Variants in CCBE1 observed in about 807,000 individuals in gnomAD.
CCBE1 encodes the protein collagen and calcium-binding EGF domain-containing protein 1.
In CCBE1, 37 loss-of-function variants were observed where a neutral mutation model predicts 50.0. The observed-to-expected ratio is 0.74, with a 90% CI of 0.57 to 0.97. CCBE1 has a LOEUF of 0.97. Ranked by LOEUF, CCBE1 falls within the 50% of genes least tolerant of loss-of-function variation. CCBE1 has a pLI of 0.00. For missense variants in CCBE1, 538 were observed against 523.8 expected (o/e 1.03, Z -0.26); for synonymous variants, 234 against 203.7 (o/e 1.15, Z -1.27).
chr18:59,676,942 G>A (rs1630723), intron 2 of CCBE1, among the ~76,000 whole-genome samples: 84,238 of 152,042 alleles, frequency 0.55, 25,180 homozygotes, highest in East Asian at 0.88. Context: ...GAAATGAAAC[G>A]ACTGAGCTCA....
intron 2 of CCBE1, among the ~76,000 whole-genome samples, chr18:59,578,596 A>C (rs2144503454): frequency 6.6e-6 from 1 of 152,350 alleles, no homozygotes; most frequent in Admixed American, 6.5e-5. Flanking sequence ...GCACATATAC[A>C]CCGTAGAATA....
chr18:59,522,947 G>A (rs934073008), intron 2 of CCBE1, among the ~76,000 whole-genome samples: 5 of 139,844 alleles, frequency 3.6e-5, no homozygotes, highest in African/African-American at 1.4e-4. Context: ...AGCAGAGATC[G>A]CGCCACTGCA....
At chr18:59,483,843 G>A (rs2143783209) in intron 2 of CCBE1, among the ~76,000 whole-genome samples, 1 of 152,266 alleles carries the variant, frequency 6.6e-6, no homozygotes, top group Non-Finnish European at 1.5e-5. Context: ...AGACTTGAGT[G>A]ATACAGCTAA....
At chr18:59,529,323 C>A (rs747306393) in intron 2 of CCBE1, among the ~76,000 whole-genome samples, 1 of 152,242 alleles carries the variant, frequency 6.6e-6, no homozygotes, top group Non-Finnish European at 1.5e-5. Flanking sequence ...CAGGCACTGG[C>A]AGGGGAAAAT....
chr18:59,442,741 T>TAAATAA (rs1381973366), intron 7 of CCBE1, among the ~76,000 whole-genome samples: 1 of 151,622 alleles, frequency 6.6e-6, no homozygotes, highest in African/African-American at 2.4e-5. Context: ...AATAAATAAA[T>TAAATAA]AAATAAAAAT....
Position 59,469,584 on chromosome 18 carries a change from G to A in CCBE1, c.289C>T (p.Pro97Ser), listed in dbSNP as rs1216440169. The stretch of plus-strand genomic sequence containing the variant: ...TTGTCCGTGCACTGCTGTTCACAGG[G>A]AGCCTCGGCACAAACGTCGTAATCT... Reference protein sequence around the residue: ...PEDYDVCAEAPCEQQCTDNFG... With the variant: ...PEDYDVCAEASCEQQCTDNFG... Residue 97 changes from proline (P) to serine (S), a missense_variant, in exon 4 of 11, where the codon CCC becomes TCC. Physicochemically the swap from Pro to Ser is moderately conservative, Grantham distance 74. Transcript: ENST00000439986. 3 of 1,614,028 alleles carry A rather than the reference G, an allele frequency of 1.9e-6. No individual in the cohort carries two copies. The highest frequency in any genetic ancestry group is 3.3e-5 in the Admixed American group (2 of 60,012).
intron 2 of CCBE1, among the ~76,000 whole-genome samples, chr18:59,571,932 T>C (rs1470381059): frequency 6.6e-6 from 1 of 152,210 alleles, no homozygotes; most frequent in Non-Finnish European, 1.5e-5. Context: ...TTAGACACAG[T>C]TCACCCTTTA....
intron 2 of CCBE1, among the ~76,000 whole-genome samples, chr18:59,583,674 TGTGTGTGC>T (rs1259727382): frequency 6.0e-4 from 79 of 131,436 alleles, no homozygotes; most frequent in East Asian, 4.7e-3. Flanking sequence ...TGTGTGTGTG[TGTGTGTGC>T]GCGCGCGCGC....
chr18:59,653,438 C>T (rs1459443896), intron 2 of CCBE1, among the ~76,000 whole-genome samples: 2 of 152,214 alleles, frequency 1.3e-5, no homozygotes, highest in Admixed American at 6.5e-5. Flanking sequence ...ACTCACTAGA[C>T]AAAAATCATA....
chr18:59,675,735 G>A (rs1190655598), intron 2 of CCBE1, among the ~76,000 whole-genome samples: 3 of 152,172 alleles, frequency 2.0e-5, no homozygotes, highest in Admixed American at 6.5e-5. Context: ...AAATTAGGAA[G>A]ACATTCTCAA....
At chr18:59,692,249 T>C (rs763748737) in intron 2 of CCBE1, among the ~76,000 whole-genome samples, 11 of 152,180 alleles carry the variant, frequency 7.2e-5, no homozygotes, top group Non-Finnish European at 1.0e-4. Flanking sequence ...ATTACTAACA[T>C]AGCACTTCCT....
intron 2 of CCBE1, among the ~76,000 whole-genome samples, chr18:59,632,342 G>C (rs2053860297): frequency 6.6e-6 from 1 of 152,182 alleles, no homozygotes; most frequent in Non-Finnish European, 1.5e-5. Context: ...CCAGGCTGGA[G>C]TGCAGTGGCT....
intron 2 of CCBE1, among the ~76,000 whole-genome samples, chr18:59,584,989 G>T (rs972520688): frequency 3.3e-5 from 5 of 152,106 alleles, no homozygotes; most frequent in Admixed American, 1.3e-4. Context: ...TTGCTGTAAG[G>T]CAAAGGATCA....
chr18:59,529,965 G>A (rs769470375), intron 2 of CCBE1, among the ~76,000 whole-genome samples: 1 of 152,126 alleles, frequency 6.6e-6, no homozygotes, highest in African/African-American at 2.4e-5. Context: ...CAACTTGAAG[G>A]GCTCATTAAA....
At chr18:59,613,839 C>A (rs1453943359) in intron 2 of CCBE1, among the ~76,000 whole-genome samples, 1 of 145,976 alleles carries the variant, frequency 6.9e-6, no homozygotes, top group Non-Finnish European at 1.5e-5. Context: ...AAAATTGAAG[C>A]ACAAAGATGT....
At chr18:59,589,416 CAA>C (rs1411872085) in intron 2 of CCBE1, among the ~76,000 whole-genome samples, 1 of 152,164 alleles carries the variant, frequency 6.6e-6, no homozygotes, top group Non-Finnish European at 1.5e-5. Flanking sequence ...GATAGCACCA[CAA>C]AAGACTATTT....
intron 2 of CCBE1, among the ~76,000 whole-genome samples, chr18:59,673,933 G>A (rs982705378): frequency 4.6e-5 from 7 of 152,132 alleles, no homozygotes; most frequent in African/African-American, 1.7e-4. Context: ...CCAGGTTTTG[G>A]TATCAGGATG....
chr18:59,655,296 C>T (rs968744631), intron 2 of CCBE1, among the ~76,000 whole-genome samples: 10 of 152,090 alleles, frequency 6.6e-5, no homozygotes, highest in Admixed American at 1.3e-4. Context: ...CATGGGAATC[C>T]AAGGACCAAG....
At chr18:59,485,915 T>TTG (rs1208690149) in intron 2 of CCBE1, among the ~76,000 whole-genome samples, 1 of 151,822 alleles carries the variant, frequency 6.6e-6, no homozygotes, top group Admixed American at 6.6e-5. Flanking sequence ...TTTTTTTTTT[T>TTG]TAATGAGAGA....
Sources: gnomAD v4.1 joint callset for allele counts (sites outside exome capture counted in the v4.1 genomes callset) on GRCh38, gnomAD v4.1.1 for gene constraint, MANE v1.5 for transcripts, NCBI Gene and HGNC (gene_info 2026-07-23, HGNC 2026-07-21) for gene names.